The following RASSF3 variants were observed in gnomAD, a reference collection of about 807,000 sequenced individuals.
RASSF3 encodes the protein ras association domain-containing protein 3.
In RASSF3, 19 loss-of-function variants were observed where a neutral mutation model predicts 19.9. That is an observed-to-expected ratio of 0.96 (90% CI 0.67 to 1.40). The LOEUF (loss-of-function observed/expected upper bound fraction) is 1.40. Ranked by LOEUF, RASSF3 falls within the 40% of genes most tolerant of loss-of-function variation. RASSF3 has a pLI of 0.00. For missense variants in RASSF3, 306 were observed against 289.8 expected (o/e 1.06, Z -0.41); for synonymous variants, 110 against 104.2 (o/e 1.06, Z -0.34).
chr12:64,547,717 TGAA>T (rs1192021732), intron 2 of RASSF3, among the ~76,000 whole-genome samples: 2 of 152,350 alleles, frequency 1.3e-5, no homozygotes, highest in South Asian at 2.1e-4. Flanking sequence ...TTCAATACCA[TGAA>T]GAAGATGAAA....
At chr12:64,657,214 G>A (rs758686872) in intron 1 of RASSF3, among the ~76,000 whole-genome samples, 5 of 152,024 alleles carry the variant, frequency 3.3e-5, no homozygotes, top group Non-Finnish European at 5.9e-5. Flanking sequence ...GTTTCGCCAC[G>A]TGGGCCAGGA....
intron 4 of RASSF3, among the ~76,000 whole-genome samples, chr12:64,692,238 T>C (rs191580814): frequency 1.3e-5 from 2 of 152,322 alleles, no homozygotes; most frequent in East Asian, 3.9e-4. Context: ...CCCAGTCTTC[T>C]GTCTGGAACA....
chr12:64,557,763 G>C (rs985396104), intron 2 of RASSF3, among the ~76,000 whole-genome samples: 1 of 152,094 alleles, frequency 6.6e-6, no homozygotes, highest in Non-Finnish European at 1.5e-5. Flanking sequence ...TGTTGCCTCT[G>C]AGCTGGTACT....
At chr12:64,644,086 A>G (rs1380383973) in intron 1 of RASSF3, among the ~76,000 whole-genome samples, 8 of 152,216 alleles carry the variant, frequency 5.3e-5, no homozygotes, top group Non-Finnish European at 8.8e-5. Context: ...CTGCAGGGAT[A>G]GTAAGCCAGA....
chr12:64,554,550 C>G (rs887654810), intron 2 of RASSF3, among the ~76,000 whole-genome samples: 1 of 152,098 alleles, frequency 6.6e-6, no homozygotes, highest in Admixed American at 6.6e-5. Flanking sequence ...GGTGATCCAC[C>G]CACCTTGGCT....
chr12:64,653,054 A>C (rs528967384), intron 1 of RASSF3, among the ~76,000 whole-genome samples: 1 of 152,186 alleles, frequency 6.6e-6, no homozygotes, highest in African/African-American at 2.4e-5. Context: ...TTCTCTCTGT[A>C]CATGTCTGTG....
chr12:64,667,650 A>G (rs1230000266), intron 1 of RASSF3, among the ~76,000 whole-genome samples: 1 of 152,212 alleles, frequency 6.6e-6, no homozygotes, highest in Non-Finnish European at 1.5e-5. Flanking sequence ...ATCAGCTGAG[A>G]AGAAAGACAG....
At chr12:64,557,945 C>T (rs546221675) in intron 2 of RASSF3, among the ~76,000 whole-genome samples, 1 of 152,214 alleles carries the variant, frequency 6.6e-6, no homozygotes, top group African/African-American at 2.4e-5. Context: ...ATGGATCAGG[C>T]ATTGTATAAG....
At chr12:64,633,147 A>G (rs1002495301) in intron 1 of RASSF3, among the ~76,000 whole-genome samples, 3 of 152,344 alleles carry the variant, frequency 2.0e-5, no homozygotes, top group Middle Eastern at 3.4e-3. Context: ...GAGGACTGAC[A>G]GGGACTAGCT....
chr12:64,659,452 A>G (rs1872268656), intron 1 of RASSF3, among the ~76,000 whole-genome samples: 1 of 152,050 alleles, frequency 6.6e-6, no homozygotes, highest in Admixed American at 6.6e-5. Context: ...GTCTGAGCAT[A>G]CTCCAAAAAG....
chr12:64,614,101 C>T (rs1456272438), intron 1 of RASSF3, among the ~76,000 whole-genome samples: 2 of 150,858 alleles, frequency 1.3e-5, no homozygotes, highest in South Asian at 4.2e-4. Context: ...GAATGTTTTC[C>T]TGATTTGATA....
In RASSF3 at chr12:64,688,306, C is replaced by T. The variant is rs2136221808; in HGVS notation, c.310C>T (p.Pro104Ser). ...QTSPNSGKLS[P>S]SSNGCMNTLH... ...TTCTCCAAATTCTGGAAAACTCTCT[C>T]CCAGTAGCAATGGCTGTATGAATAC... The change falls in exon 3 of 5, where the codon CCC becomes TCC. Residue 104 changes from proline to serine, a missense_variant. Coordinates refer to ENST00000542104, the MANE Select transcript of RASSF3 (RefSeq NM_178169.4). 1 of 1,614,100 alleles carries T rather than the reference C, an allele frequency of 6.2e-7. No individual in the cohort carries two copies.
intron 1 of RASSF3, among the ~76,000 whole-genome samples, chr12:64,672,248 C>T (rs935086160): frequency 1.6e-4 from 24 of 151,930 alleles, no homozygotes; most frequent in African/African-American, 4.8e-4. Flanking sequence ...TATTTTGAGA[C>T]GGAGTCTTGC....
At chr12:64,516,573 C>T (rs1325978286) in intron 1 of RASSF3, among the ~76,000 whole-genome samples, 3 of 149,558 alleles carry the variant, frequency 2.0e-5, no homozygotes, top group African/African-American at 4.9e-5. Context: ...GAGCCGAGAT[C>T]CCGCCACTGC....
chr12:64,696,410 C>T lies in RASSF3; in HGVS notation c.*1498C>T, dbSNP rs961485820. 2 of 152,190 alleles carry T rather than the reference C, an allele frequency of 1.3e-5. No homozygotes were observed. Among genetic ancestry groups the T allele is most frequent in the African/African-American group, 2.4e-5 (1 of 41,442 alleles). The allele number at this position is 152,190 out of a possible 1,614,324, so 9.4% of individuals were successfully genotyped here. A position where few individuals can be genotyped will look rare whatever the true frequency, so the allele number is the denominator to read the frequency against. On this transcript the variant is annotated 3_prime_UTR_variant, in exon 5 of 5. Coordinates refer to ENST00000542104, the MANE Select transcript of RASSF3 (RefSeq NM_178169.4). ...TCCTTAAAAACAGGCTAAATAACCTCATTTTATGCAGCAGTTTAATCTGAG... is the reference window on the plus strand; with the variant it reads ...TCCTTAAAAACAGGCTAAATAACCTTATTTTATGCAGCAGTTTAATCTGAG...
At chr12:64,631,930 A>G (rs1871182664) in intron 1 of RASSF3, among the ~76,000 whole-genome samples, 1 of 152,138 alleles carries the variant, frequency 6.6e-6, no homozygotes. Flanking sequence ...ACTGAGTGTC[A>G]GGGGAGTGAG....
intron 1 of RASSF3, among the ~76,000 whole-genome samples, chr12:64,514,855 C>T (rs546741335): frequency 9.9e-5 from 15 of 152,224 alleles, no homozygotes; most frequent in South Asian, 4.1e-4. Flanking sequence ...TCTATCTTCC[C>T]GATCTGATGA....
chr12:64,684,274 T>C lies in RASSF3; in HGVS notation c.112-513T>C, dbSNP rs568414044. 2.9e-4 allele frequency among the ~76,000 whole-genome samples: 44 copies of C among 151,134 alleles called. 2 individuals are homozygous for C. In the South Asian group the frequency reaches 9.0e-3, roughly 31 times the overall value. The stretch of plus-strand genomic sequence containing the variant: ...CTAATTTTTGTATTTTTTGTAGAGA[T>C]AGAGTTTCCTCATGTTGCCCAGCCT... On this transcript the variant is annotated intron_variant, in intron 1 of 4. Coordinates refer to ENST00000542104, the MANE Select transcript of RASSF3 (RefSeq NM_178169.4).
upstream of RASSF3, chr12:64,609,602 T>C (rs1245624587): frequency 5.9e-5 from 9 of 152,214 alleles, no homozygotes; most frequent in Admixed American, 5.9e-4. Flanking sequence ...TTTAAGAGGA[T>C]TAGCTGACTG....
Sources: allele counts gnomAD v4.1 joint callset (sites outside exome capture counted in the v4.1 genomes callset), GRCh38; gene constraint gnomAD v4.1.1; transcripts MANE v1.5; gene names NCBI Gene and HGNC (gene_info 2026-07-23, HGNC 2026-07-21).